The following RPN2 variants were observed in gnomAD, a reference collection of about 807,000 sequenced individuals.
The protein encoded by RPN2 is dolichyl-diphosphooligosaccharide--protein glycosyltransferase subunit 2.
RPN2 carries 29 observed loss-of-function variants against 71.4 expected under a neutral mutation model. The ratio of observed to expected loss-of-function variants is 0.41; its 90% confidence interval spans 0.30 to 0.55. The LOEUF is 0.55. RPN2 is among the 20% of genes least tolerant of loss of function. The pLI is 0.35. For missense variants in RPN2, 726 were observed against 774.1 expected (o/e 0.94, Z 0.74); for synonymous variants, 308 against 305.0 (o/e 1.01, Z -0.10).
chr20:37,207,545 C>A, intron 7 of RPN2, 96 bp downstream of exon 7: 3 of 1,173,700 alleles, frequency 2.6e-6, no homozygotes, highest in Non-Finnish European at 3.8e-6. Context: ...ATTACAGCCC[C>A]TACAAGGACA....
At chr20:37,195,792 GCTTTA>G (rs2146550083) in intron 2 of RPN2, among the ~76,000 whole-genome samples, 1 of 152,234 alleles carries the variant, frequency 6.6e-6, no homozygotes, top group East Asian at 1.9e-4. Flanking sequence ...TCCTTGAGTA[GCTTTA>G]CTTATTCTCT....
chr20:37,228,648 T>G lies in RPN2; in HGVS notation c.1398T>G (p.Ser466=), dbSNP rs372658734. ...TGTACAAGTTTGAACTGGATACCTC[T>G]GAAAGAAAGATTGAATTTGACTCTG... The part of the protein sequence containing the change: ...KNVYKFELDT[S]ERKIEFDSAS... Residue 466 remains serine (S), a synonymous_variant, in exon 12 of 17, where the codon TCT becomes TCG. Coordinates refer to ENST00000237530, the MANE Select transcript of RPN2 (RefSeq NM_002951.5). 6.1e-5 allele frequency: 99 copies of G among 1,614,116 alleles called. No homozygotes were observed. The highest frequency in any genetic ancestry group is 3.2e-4 in the Admixed American group (19 of 60,004).
At chr20:37,183,167 G>T (rs1486956848) in intron 1 of RPN2, among the ~76,000 whole-genome samples, 1 of 150,956 alleles carries the variant, frequency 6.6e-6, no homozygotes, top group African/African-American at 2.4e-5. Flanking sequence ...AGTAGTAGAA[G>T]TAGTAGCTAA....
intron 14 of RPN2, 81 bp downstream of exon 14, chr20:37,232,472 TGTC>T (rs2068280055): frequency 2.6e-6 from 4 of 1,529,500 alleles, no homozygotes; most frequent in South Asian, 1.1e-5. Context: ...GAGGCTGTGT[TGTC>T]TGGCCTCAGT....
At chr20:37,238,772 C>A (rs767486791) in intron 16 of RPN2, 3 of 599,362 alleles carry the variant, frequency 5.0e-6, no homozygotes, top group South Asian at 1.4e-5. Context: ...CTCTCTGTTT[C>A]CAGGACAGCT....
chr20:37,214,188 A>T (rs559572245), intron 9 of RPN2, among the ~76,000 whole-genome samples: 52 of 152,372 alleles, frequency 3.4e-4, no homozygotes, highest in Admixed American at 1.3e-3. Context: ...TTAAACTCTT[A>T]AAGTGTTTTG....
chr20:37,220,138 C>T (rs1457238735), intron 9 of RPN2, among the ~76,000 whole-genome samples: 1 of 152,100 alleles, frequency 6.6e-6, no homozygotes, highest in Non-Finnish European at 1.5e-5. Flanking sequence ...GTAAGCATTA[C>T]AAAATCTTCT....
chr20:37,206,638 A>G (rs1416966866), intron 6 of RPN2, among the ~76,000 whole-genome samples: 1 of 152,184 alleles, frequency 6.6e-6, no homozygotes, highest in Non-Finnish European at 1.5e-5. Flanking sequence ...AATTACTATT[A>G]TATATATTTC....
intron 9 of RPN2, among the ~76,000 whole-genome samples, chr20:37,219,143 T>G (rs759651255): frequency 3.9e-5 from 6 of 152,238 alleles, no homozygotes; most frequent in Non-Finnish European, 8.8e-5. Context: ...ACCAGCAATG[T>G]GTGAGGGTTC....
At chr20:37,188,390 T>G (rs2067062701) in intron 2 of RPN2, among the ~76,000 whole-genome samples, 1 of 152,088 alleles carries the variant, frequency 6.6e-6, no homozygotes. Context: ...CCTGACCTTG[T>G]GATCTGCCCG....
intron 2 of RPN2, among the ~76,000 whole-genome samples, chr20:37,193,368 G>A (rs2067188213): frequency 6.6e-6 from 1 of 152,184 alleles, no homozygotes; most frequent in African/African-American, 2.4e-5. Flanking sequence ...TCAGGCAGAG[G>A]AAACAGCCTG....
At chr20:37,180,723 G>C (rs937479893) in intron 1 of RPN2, among the ~76,000 whole-genome samples, 1 of 152,182 alleles carries the variant, frequency 6.6e-6, no homozygotes, top group Non-Finnish European at 1.5e-5. Context: ...ATTCTAGCCA[G>C]ACTAACTCTC....
chr20:37,185,460 A>G (rs2066986840), intron 2 of RPN2, among the ~76,000 whole-genome samples: 1 of 151,982 alleles, frequency 6.6e-6, no homozygotes, highest in Admixed American at 6.6e-5. Context: ...GTGAATTTAC[A>G]TTTTATTCAT....
intron 5 of RPN2, among the ~76,000 whole-genome samples, chr20:37,204,267 G>C (rs2067461820): frequency 6.6e-6 from 1 of 152,184 alleles, no homozygotes; most frequent in Non-Finnish European, 1.5e-5. Context: ...CAGTCCTGAT[G>C]GTGTTCTCAC....
rs112030125 is a variant in RPN2, at chr20:37,217,301, C to CT, written c.1092+3446dup. On this transcript the variant is annotated intron_variant, in intron 9 of 16. Transcript: ENST00000237530. The stretch of plus-strand genomic sequence containing the variant: ...TATTATTATTATTATTATTATTATT[C>CT]TTTTTTTTTTGAAACAGAGTCTCGC... Among the ~76,000 whole-genome samples, 624 of 130,824 alleles carry CT rather than the reference C, an allele frequency of 4.8e-3. 5 individuals carry two copies. The highest frequency in any genetic ancestry group is 0.016 in the African/African-American group (568 of 34,454). 85.8% of individuals were successfully genotyped at this position (130,824 alleles called of 152,430 possible). A position where few individuals can be genotyped will look rare whatever the true frequency, so the allele number is the denominator to read the frequency against.
chr20:37,199,860 A>T (rs1401401313), intron 4 of RPN2, among the ~76,000 whole-genome samples: 1 of 152,140 alleles, frequency 6.6e-6, no homozygotes, highest in African/African-American at 2.4e-5. Context: ...TAGAGACAGG[A>T]TCTCACTCTG....
At chr20:37,225,601 A>C in intron 10 of RPN2, 87 bp from the exon 11 acceptor site, 1 of 864,506 alleles carries the variant, frequency 1.2e-6, no homozygotes. Flanking sequence ...AGGGTGGTTG[A>C]GGCAATGAAG....
chr20:37,191,391 G>C (rs984173993), intron 2 of RPN2, among the ~76,000 whole-genome samples: 1 of 151,896 alleles, frequency 6.6e-6, no homozygotes, highest in Non-Finnish European at 1.5e-5. Flanking sequence ...CAGGAGAATT[G>C]CTTGAACCCA....
intron 2 of RPN2, among the ~76,000 whole-genome samples, chr20:37,189,311 C>CTGTGTGTGTG (rs748314418): frequency 8.7e-6 from 1 of 115,186 alleles, no homozygotes; most frequent in African/African-American, 3.4e-5. Context: ...ATGGGCCAAA[C>CTGTGTGTGTG]TGTGTGTGTG....
Sources: allele counts gnomAD v4.1 joint callset (sites outside exome capture counted in the v4.1 genomes callset), GRCh38; gene constraint gnomAD v4.1.1; transcripts MANE v1.5; gene names NCBI Gene and HGNC (gene_info 2026-07-23, HGNC 2026-07-21).